KCNN1: variants seen among roughly 807,000 people sequenced by gnomAD.
The protein encoded by KCNN1 is small conductance calcium-activated potassium channel protein 1.
In KCNN1, 20 loss-of-function variants were observed where a neutral mutation model predicts 44.7. The observed-to-expected ratio is 0.45, with a 90% CI of 0.32 to 0.65. KCNN1 has a LOEUF of 0.65. Ranked by LOEUF, KCNN1 falls within the 30% of genes least tolerant of loss-of-function variation. The probability of loss-of-function intolerance (pLI) is 0.05; values close to 1 mark genes in which losing one functional copy is unlikely to be tolerated. For synonymous variants in KCNN1, 324 were observed against 341.7 expected, an observed-to-expected ratio of 0.95 and a Z score of 0.57; for missense variants, 632 against 785.3, an observed-to-expected ratio of 0.80 and a Z score of 2.33.
rs764555893 is a variant in KCNN1, at chr19:17,998,324, G to T, written c.1550G>T (p.Arg517Met). Residue 517 changes from arginine to methionine, a missense_variant, in exon 10 of 10, where the codon AGG becomes ATG. Physicochemically the swap from Arg to Met is moderately conservative, Grantham distance 91 (BLOSUM62 -1). This residue lies in a region of KCNN1 where 237 missense variants were observed against 253.0 expected (regional missense o/e 0.94). Transcript: ENST00000684775. This position sits in a 1 kb window ranked among gnomAD's most constrained non-coding sequence, Gnocchi z 5.4. ...CCACCCCCGCCTCCCCTGCCTCCCAGGCCCGGCCCCGGCCCCCAAGACCAG... is the reference window on the plus strand; with the variant it reads ...CCACCCCCGCCTCCCCTGCCTCCCATGCCCGGCCCCGGCCCCCAAGACCAG... Reference protein sequence around the residue: ...IRPPPPPLPPRPGPGPQDQAA... With the variant: ...IRPPPPPLPPMPGPGPQDQAA... The T allele has an allele frequency of 2.0e-6, 3 of 1,523,676 alleles. No individual in the cohort carries two copies. The Admixed American group carries it at 5.9e-5, about 30-fold the overall frequency. 94.4% of individuals were successfully genotyped at this position (1,523,676 alleles called of 1,614,324 possible). A position where few individuals can be genotyped will look rare whatever the true frequency, so the allele number is the denominator to read the frequency against.
intron 4 of KCNN1, chr19:17,982,577 G>A (rs2032455252): frequency 1.0e-6 from 1 of 985,244 alleles, no homozygotes; most frequent in Non-Finnish European, 1.2e-6. Context: ...GGGAAAACAT[G>A]TGAGTCCCAC....
chr19:17,989,037 G>A (rs780428744), intron 6 of KCNN1, among the ~76,000 whole-genome samples: 4 of 152,176 alleles, frequency 2.6e-5, no homozygotes, highest in Non-Finnish European at 4.4e-5. Flanking sequence ...TTCAGTAAGA[G>A]GCTTGAGCCA....
intron 2 of KCNN1, among the ~76,000 whole-genome samples, chr19:17,959,267 TG>T (rs1443060322): frequency 2.8e-5 from 4 of 143,726 alleles, no homozygotes; most frequent in African/African-American, 1.0e-4. Flanking sequence ...TGTTTTGTTT[TG>T]TTTTTTTTGA....
chr19:17,969,754 C>G (rs577190317), intron 1 of KCNN1, among the ~76,000 whole-genome samples: 1 of 152,376 alleles, frequency 6.6e-6, no homozygotes, highest in African/African-American at 2.4e-5. Flanking sequence ...CCAGGCCACC[C>G]GCTTCTCATC....
chr19:17,970,149 G>T (rs1345181094), intron 1 of KCNN1, among the ~76,000 whole-genome samples: 1 of 152,024 alleles, frequency 6.6e-6, no homozygotes, highest in African/African-American at 2.4e-5. Flanking sequence ...GGAAGTGCTG[G>T]GCCTGCGGGA....
rs1414071066 is a variant in KCNN1 at position 17,973,927 on chromosome 19, G to A, written c.39G>A (p.Pro13=). 6 of 1,555,146 alleles carry A rather than the reference G, an allele frequency of 3.9e-6. No homozygotes were observed. Among genetic ancestry groups the A allele is most frequent in the Non-Finnish European group, 3.5e-6 (4 of 1,151,760 alleles). The change falls in exon 2 of 10, where the codon CCG becomes CCA. Residue 13 remains proline (P), a synonymous_variant. Transcript: ENST00000684775. ...SHSYNGSVGR[P]LGSGPGALGR... is the part of the protein sequence containing the mutation. The stretch of plus-strand genomic sequence containing the variant: ...GCTACAATGGCAGCGTGGGGCGGCC[G>A]CTGGGCAGCGGGCCGGGCGCCCTGG...
chr19:17,987,149 G>A (rs1320826234), intron 5 of KCNN1, among the ~76,000 whole-genome samples: 4 of 147,080 alleles, frequency 2.7e-5, no homozygotes, highest in Admixed American at 6.9e-5. Flanking sequence ...TCGCTCTGTC[G>A]CCCAGGCTGG....
chr19:17,960,337 C>G (rs1187559833), intron 2 of KCNN1, among the ~76,000 whole-genome samples: 1 of 152,014 alleles, frequency 6.6e-6, no homozygotes, highest in Non-Finnish European at 1.5e-5. Context: ...GACTTACAAC[C>G]ACACAAAGTT....
chr19:17,963,683 G>C (rs563344530), upstream of KCNN1, among the ~76,000 whole-genome samples: 7 of 150,060 alleles, frequency 4.7e-5, no homozygotes, highest in East Asian at 7.8e-4. Flanking sequence ...CTCGTTCTTA[G>C]TTCTTTCAAC....
Position 17,973,945 on chromosome 19 carries a change from C to A in KCNN1, c.57C>A (p.Gly19=), listed in dbSNP as rs554018689. ...GGCGGCCGCTGGGCAGCGGGCCGGG[C>A]GCCCTGGGACGAGACCCTCCGGACC... ...SVGRPLGSGP[G]ALGRDPPDPE... is the part of the protein sequence containing the mutation. Residue 19 remains glycine, a synonymous_variant, in exon 2 of 10, where the codon GGC becomes GGA. Coordinates refer to ENST00000684775, the MANE Select transcript of KCNN1 (RefSeq NM_001386974.1). The A allele has an allele frequency of 1.3e-6, 2 of 1,557,158 alleles. No individual in the cohort carries two copies. The highest frequency in any genetic ancestry group is 1.2e-5 in the South Asian group (1 of 85,246).
At chr19:17,988,891 A>C (rs1425199830) in intron 6 of KCNN1, among the ~76,000 whole-genome samples, 3 of 151,548 alleles carry the variant, frequency 2.0e-5, no homozygotes, top group Non-Finnish European at 4.4e-5. Flanking sequence ...AACCTGGGTG[A>C]CAGAGCAAGA....
At position 17,993,467 on chromosome 19, in the gene KCNN1, C is replaced by A; in HGVS notation, c.1308-23C>A. On this transcript the variant is annotated intron_variant, in intron 8 of 9. Coordinates refer to ENST00000684775, the MANE Select transcript of KCNN1 (RefSeq NM_001386974.1). The surrounding 1 kb of genome is among the most constrained non-coding windows in gnomAD (Gnocchi z 4.5). Reference sequence around the variant, plus strand: ...TCCACGGGAACCTGCCTAACCCCCTCCCCCAACCCCGTGTCCCCACAGGCT... The same window carrying A: ...TCCACGGGAACCTGCCTAACCCCCTACCCCAACCCCGTGTCCCCACAGGCT... 6 of 1,600,860 alleles carry A rather than the reference C, an allele frequency of 3.7e-6. No homozygotes were observed. The highest frequency in any genetic ancestry group is 5.1e-6 in the Non-Finnish European group (6 of 1,169,728).
chr19:17,962,603 C>T (rs1423774371), upstream of KCNN1, among the ~76,000 whole-genome samples: 1 of 152,120 alleles, frequency 6.6e-6, no homozygotes, highest in Non-Finnish European at 1.5e-5. Context: ...AGCTCAGGAA[C>T]AAGCCCTCTG....
Position 17,974,304 on chromosome 19 carries a change from TC to T in KCNN1, c.402+19del, listed in dbSNP as rs1568451213. The T allele has an allele frequency of 1.3e-6, 2 of 1,540,726 alleles. No homozygotes were observed. The highest frequency in any genetic ancestry group is 8.8e-7 in the Non-Finnish European group (1 of 1,142,482). On this transcript the variant is annotated intron_variant, in intron 2 of 9. Transcript: ENST00000684775. This position sits in a 1 kb window ranked among gnomAD's most constrained non-coding sequence, Gnocchi z 7.3. ...GTGTACACCAAGGTAGGCGTGGTCC[TC>T]CCCCAGGCACTCCAGGGAGGTTCCA... is the stretch of plus-strand genomic sequence containing the variant.
Position 17,993,079 on chromosome 19 carries a change from G to C in KCNN1, c.1307+17G>C. ...GGCTCAGAAGTAAGTGTTCTCCCAG[G>C]GGCTTGGTGGGGCTGGGAAATCGGG... On this transcript the variant is annotated intron_variant, in intron 8 of 9. Transcript: ENST00000684775. The surrounding 1 kb of genome is among the most constrained non-coding windows in gnomAD (Gnocchi z 4.5). 1 of 1,613,728 alleles carries C rather than the reference G, an allele frequency of 6.2e-7. No homozygotes were observed. The highest frequency in any genetic ancestry group is 8.5e-7 in the Non-Finnish European group (1 of 1,179,812).
chr19:17,969,632 C>T (rs2145918286), intron 1 of KCNN1, among the ~76,000 whole-genome samples: 1 of 152,322 alleles, frequency 6.6e-6, no homozygotes, highest in East Asian at 1.9e-4. Flanking sequence ...CTGAATTTGG[C>T]CCATGCGTCG....
intron 6 of KCNN1, among the ~76,000 whole-genome samples, 191 bp from the exon 7 acceptor site, chr19:17,989,525 A>G (rs536102018): frequency 6.6e-6 from 1 of 152,314 alleles, no homozygotes; most frequent in South Asian, 2.1e-4. Context: ...CTGGCCCATC[A>G]TGAGTGATGT....
chr19:17,997,072 C>T (rs575041261), intron 9 of KCNN1, among the ~76,000 whole-genome samples: 1 of 152,344 alleles, frequency 6.6e-6, no homozygotes, highest in East Asian at 1.9e-4. Flanking sequence ...CCTGGCCGGC[C>T]TCCCCTGCCC....
Position 17,981,748 on chromosome 19 carries a change from G to A in KCNN1, c.538G>A (p.Ala180Thr). 1 of 1,604,672 alleles carries A rather than the reference G, an allele frequency of 6.2e-7. No individual in the cohort carries two copies. Among genetic ancestry groups the A allele is most frequent in the East Asian group, 2.2e-5 (1 of 44,618 alleles). The change falls in exon 4 of 10, where the codon GCC (alanine) becomes ACC (threonine). Residue 180 changes from alanine (A) to threonine (T), a missense_variant. By Grantham distance (58) the Ala-to-Thr change is moderately conservative. Coordinates refer to ENST00000684775, the MANE Select transcript of KCNN1 (RefSeq NM_001386974.1). ...CAACGGGGCTGATGACTGGCGCATC[G>A]CCATGACCTGCGAGCGCGTGTTCCT... Reference protein sequence around the residue: ...VDNGADDWRIAMTCERVFLIS... With the variant: ...VDNGADDWRITMTCERVFLIS...
Sources: allele counts gnomAD v4.1 joint callset (sites outside exome capture counted in the v4.1 genomes callset), GRCh38; gene constraint gnomAD v4.1.1; regional missense constraint gnomAD v4.1.1; non-coding constraint Gnocchi (gnomAD v3.1); transcripts MANE v1.5; gene names NCBI Gene and HGNC (gene_info 2026-07-23, HGNC 2026-07-21).